The following TRIQK variants were observed in gnomAD, a reference collection of about 807,000 sequenced individuals.
The protein encoded by TRIQK is triple QxxK/R motif containing, also known as triple QxxK/R motif-containing protein.
TRIQK carries 10 observed loss-of-function variants against 10.8 expected under a neutral mutation model. That is an observed-to-expected ratio of 0.92 (90% CI 0.57 to 1.57). TRIQK has a LOEUF of 1.57. Ranked by LOEUF, TRIQK falls within the 40% of genes most tolerant of loss-of-function variation. The probability of loss-of-function intolerance (pLI) is 0.00; values close to 1 mark genes in which losing one functional copy is unlikely to be tolerated. For synonymous variants in TRIQK, 33 were observed against 33.7 expected (o/e 0.98, Z 0.07); for missense variants, 107 against 97.7 (o/e 1.09, Z -0.40).
In TRIQK at chr8:92,916,973, G is replaced by A. The variant is rs2130458918; in HGVS notation, c.17C>T (p.Ala6Val). MGRKD[A>V]ATIKLPVDQY... ...ATCAACAGGAAGTTTTATAGTAGCA[G>A]CATCTTTTCTACCCATCTTTGATCT... The change falls in exon 3 of 5, where the codon GCT (alanine) becomes GTT (valine). Residue 6 changes from alanine to valine, a missense_variant. Ala to Val is a moderately conservative substitution (Grantham distance 64, BLOSUM62 0). Transcript: ENST00000521988. 2 of 1,509,414 alleles carry A rather than the reference G, an allele frequency of 1.3e-6. No homozygotes were observed. The highest frequency in any genetic ancestry group is 2.6e-5 in the South Asian group (2 of 78,330). The allele number at this position is 1,509,414 out of a possible 1,614,324, so 93.5% of individuals were successfully genotyped here. A position where few individuals can be genotyped will look rare whatever the true frequency, so the allele number is the denominator to read the frequency against.
Position 92,886,748 on chromosome 8 carries a change from A to T in TRIQK, c.148-13T>A. ...CAAGGCCAACTTCCTGGGAAGAAAA[A>T]AAAAGTAGACTTGAAATTGATGAAA... On this transcript the variant is annotated splice_polypyrimidine_tract_variant and intron_variant, in intron 4 of 4. Transcript: ENST00000521988. The T allele has an allele frequency of 7.0e-7, 1 of 1,418,836 alleles. No homozygotes were observed. Among genetic ancestry groups the T allele is most frequent in the South Asian group, 1.2e-5 (1 of 80,188 alleles). 87.9% of individuals were successfully genotyped at this position (1,418,836 alleles called of 1,614,324 possible). A position where few individuals can be genotyped will look rare whatever the true frequency, so the allele number is the denominator to read the frequency against.
chr8:92,963,665 G>T, intron 1 of TRIQK: 1 of 152,136 alleles, frequency 6.6e-6, no homozygotes, highest in Non-Finnish European at 1.5e-5. Context: ...AGGCCGAGGC[G>T]GGCGGATCAC....
chr8:92,974,106 T>TC (rs1812904927), intron 1 of TRIQK: 1 of 152,260 alleles, frequency 6.6e-6, no homozygotes, highest in African/African-American at 2.4e-5. Context: ...TGTCAACAGT[T>TC]AGCTGGAGGC....
chr8:92,965,458 C>T (rs961563675), intron 1 of TRIQK: 23 of 152,296 alleles, frequency 1.5e-4, no homozygotes, highest in African/African-American at 5.5e-4. Flanking sequence ...TATGCAAATA[C>T]TCGTTCATTA....
At chr8:92,904,674 G>A (rs149157152) in intron 3 of TRIQK, among the ~76,000 whole-genome samples, 3 of 152,196 alleles carry the variant, frequency 2.0e-5, no homozygotes, top group African/African-American at 7.2e-5. Flanking sequence ...CCTACTGCAG[G>A]AGTAGATAAA....
chr8:92,940,987 T>A (rs1390238350), intron 2 of TRIQK: 1 of 152,178 alleles, frequency 6.6e-6, no homozygotes, highest in Admixed American at 6.5e-5. Flanking sequence ...TTAGAAACTT[T>A]ACAAATACAT....
intron 1 of TRIQK, among the ~76,000 whole-genome samples, chr8:92,987,922 T>TGCAGATA (rs1813053313): frequency 6.6e-6 from 1 of 151,650 alleles, no homozygotes; most frequent in Non-Finnish European, 1.5e-5. Context: ...CAGATACAGA[T>TGCAGATA]GCAGATAGGG....
At chr8:92,956,310 T>C (rs747892450) in intron 1 of TRIQK, among the ~76,000 whole-genome samples, 11 of 151,804 alleles carry the variant, frequency 7.2e-5, no homozygotes, top group Non-Finnish European at 1.6e-4. Flanking sequence ...ACTTTTATTG[T>C]TCCCTTTATA....
At chr8:92,996,691 A>T (rs1813156179) in intron 1 of TRIQK, among the ~76,000 whole-genome samples, 1 of 151,966 alleles carries the variant, frequency 6.6e-6, no homozygotes. Flanking sequence ...AAGTGATCCT[A>T]ACCCTTTCTA....
intron 1 of TRIQK, among the ~76,000 whole-genome samples, chr8:92,962,352 G>C (rs1229873711): frequency 6.6e-6 from 1 of 152,146 alleles, no homozygotes; most frequent in Admixed American, 6.5e-5. Context: ...AAAGATTAAG[G>C]AGAAAGCTGG....
At chr8:92,995,000 A>G (rs866339841) in intron 1 of TRIQK, among the ~76,000 whole-genome samples, 1 of 151,900 alleles carries the variant, frequency 6.6e-6, no homozygotes. Flanking sequence ...TCACTAAACT[A>G]TTTCTACTGA....
At chr8:92,886,862 A>G (rs575891806) in intron 4 of TRIQK, 127 bp from the exon 5 acceptor site, 1 of 576,272 alleles carries the variant, frequency 1.7e-6, no homozygotes, top group South Asian at 2.5e-5. Flanking sequence ...TAATAATCAT[A>G]TCCTTTTTGT....
chr8:92,930,979 G>A (rs1810694120), intron 2 of TRIQK, among the ~76,000 whole-genome samples: 1 of 152,100 alleles, frequency 6.6e-6, no homozygotes, highest in Non-Finnish European at 1.5e-5. Context: ...CTAAATGGAT[G>A]TAATTTCTTT....
rs1022934350 is a variant in TRIQK at position 92,884,148 on chromosome 8, C to A, written c.*2474G>T. 2.6e-5 allele frequency: 4 copies of A among 151,774 alleles called. No homozygotes were observed. The highest frequency in any genetic ancestry group is 6.6e-5 in the Admixed American group (1 of 15,190). 9.4% of individuals were successfully genotyped at this position (151,774 alleles called of 1,614,324 possible). A position where few individuals can be genotyped will look rare whatever the true frequency, so the allele number is the denominator to read the frequency against. ...GCAGTGAATTACTGGAGGGAAGATA[C>A]CCATGTCTAAAATTTGTGTCTGGTG... On this transcript the variant is annotated 3_prime_UTR_variant, in exon 5 of 5. Coordinates refer to ENST00000521988, the MANE Select transcript of TRIQK (RefSeq NM_001171797.2).
intron 1 of TRIQK, among the ~76,000 whole-genome samples, chr8:92,997,782 G>A (rs1488977931): frequency 6.6e-6 from 1 of 151,894 alleles, no homozygotes; most frequent in African/African-American, 2.4e-5. Context: ...ATGAGCCAGG[G>A]GAACTGGATT....
At chr8:92,911,799 A>G (rs1033579617) in intron 3 of TRIQK, among the ~76,000 whole-genome samples, 2 of 149,992 alleles carry the variant, frequency 1.3e-5, no homozygotes, top group African/African-American at 4.9e-5. Context: ...ATACATATAT[A>G]TGTGTATATA....
At chr8:92,939,027 G>A (rs2130596608) in intron 2 of TRIQK, among the ~76,000 whole-genome samples, 1 of 152,198 alleles carries the variant, frequency 6.6e-6, no homozygotes, top group East Asian at 1.9e-4. Flanking sequence ...TCTGTGGCAT[G>A]ACTAGTAATT....
intron 2 of TRIQK, among the ~76,000 whole-genome samples, chr8:92,934,155 C>T (rs985624386): frequency 1.3e-5 from 2 of 151,952 alleles, no homozygotes; most frequent in African/African-American, 4.8e-5. Flanking sequence ...CAATGATTAT[C>T]CCTTGACTAA....
At chr8:92,911,525 T>C (rs1352797743) in intron 3 of TRIQK, among the ~76,000 whole-genome samples, 1 of 151,414 alleles carries the variant, frequency 6.6e-6, no homozygotes, top group Non-Finnish European at 1.5e-5. Context: ...ATGCTGTCTA[T>C]AAAAGACTAG....
Sources: gnomAD v4.1 joint callset for allele counts (sites outside exome capture counted in the v4.1 genomes callset) on GRCh38, gnomAD v4.1.1 for gene constraint, MANE v1.5 for transcripts, NCBI Gene and HGNC (gene_info 2026-07-23, HGNC 2026-07-21) for gene names.